Variants in RPTOR observed in about 807,000 individuals in gnomAD.
The protein encoded by RPTOR is regulatory associated protein of MTOR complex 1, also known as regulatory-associated protein of mTOR.
RPTOR carries 21 observed loss-of-function variants against 169.9 expected under a neutral mutation model. That is an observed-to-expected ratio of 0.12 (90% confidence interval 0.09 to 0.18). The LOEUF (loss-of-function observed/expected upper bound fraction) is 0.18, where lower values mean the gene tolerates loss of function less well. RPTOR is among the 10% of genes least tolerant of loss of function. The pLI, the probability that RPTOR is intolerant of heterozygous loss-of-function variation, is 1.00. For synonymous variants in RPTOR, 732 were observed against 753.2 expected, an observed-to-expected ratio of 0.97 and a Z score of 0.46; for missense variants, 1,133 against 1,855.9, an observed-to-expected ratio of 0.61 and a Z score of 7.16.
chr17:80,759,695 G>A (rs1466405472), intron 6 of RPTOR, among the ~76,000 whole-genome samples: 1 of 151,816 alleles, frequency 6.6e-6, no homozygotes, highest in East Asian at 1.9e-4. Flanking sequence ...TTTTTTAATG[G>A]AAGAGTGAGA....
At chr17:80,961,516 T>TA (rs768844633) in intron 31 of RPTOR, 36 bp downstream of exon 31, 2 of 1,533,580 alleles carry the variant, frequency 1.3e-6, no homozygotes, top group African/African-American at 2.8e-5. Flanking sequence ...CGTTCTGCTG[T>TA]AAAAACATTA....
intron 3 of RPTOR, among the ~76,000 whole-genome samples, chr17:80,689,890 A>G (rs1005999395): frequency 6.6e-6 from 1 of 152,140 alleles, no homozygotes; most frequent in Non-Finnish European, 1.5e-5. Context: ...CACATTTAAT[A>G]TTTCTACCTG....
intron 7 of RPTOR, among the ~76,000 whole-genome samples, chr17:80,799,069 C>G (rs1257396484): frequency 2.0e-5 from 3 of 152,230 alleles, no homozygotes; most frequent in Admixed American, 1.3e-4. Flanking sequence ...CCCTCCCGAG[C>G]GTGATATGAC....
intron 32 of RPTOR, 61 bp downstream of exon 32, chr17:80,962,638 G>A (rs1035935648): frequency 4.8e-6 from 7 of 1,450,958 alleles, no homozygotes; most frequent in Admixed American, 3.6e-5. Flanking sequence ...CTGTGCAAAC[G>A]GGAGGCTCTT....
In RPTOR at chr17:80,709,582, C is replaced by T. The variant is rs1000143549; in HGVS notation, c.507+1583C>T. ...TCTTCCCACATTCGCTGTCCCCTGC[C>T]GGGACCCCGCCCTTCTCAGTGCCTT... is the stretch of plus-strand genomic sequence containing the variant. On this transcript the variant is annotated intron_variant, in intron 4 of 33. Coordinates refer to ENST00000306801, the MANE Select transcript of RPTOR (RefSeq NM_020761.3). 6.6e-5 allele frequency among the ~76,000 whole-genome samples: 10 copies of T among 152,256 alleles called. No homozygotes were observed. In the East Asian group the frequency reaches 9.6e-4, roughly 15 times the overall value.
chr17:80,548,315 T>C (rs1198626351), intron 1 of RPTOR, among the ~76,000 whole-genome samples: 1 of 150,356 alleles, frequency 6.7e-6, no homozygotes, highest in Non-Finnish European at 1.5e-5. Flanking sequence ...CCTCCTGCCT[T>C]GTCCTCCAAA....
intron 13 of RPTOR, among the ~76,000 whole-genome samples, chr17:80,871,299 C>T (rs575906779): frequency 2.6e-5 from 4 of 152,246 alleles, no homozygotes; most frequent in African/African-American, 7.2e-5. Flanking sequence ...TTAGTAGAGA[C>T]GCAGTTTCAC....
chr17:80,855,188 G>A (rs2067839102), intron 11 of RPTOR, among the ~76,000 whole-genome samples: 1 of 152,214 alleles, frequency 6.6e-6, no homozygotes, highest in Non-Finnish European at 1.5e-5. Context: ...TGTCACCAGT[G>A]GGTTAGCTTT....
At chr17:80,773,622 T>G (rs2066865526) in intron 6 of RPTOR, among the ~76,000 whole-genome samples, 1 of 152,156 alleles carries the variant, frequency 6.6e-6, no homozygotes, top group Non-Finnish European at 1.5e-5. Flanking sequence ...AGTGGCTGGC[T>G]GGTCTGTTTG....
intron 1 of RPTOR, among the ~76,000 whole-genome samples, chr17:80,573,857 G>A (rs7226296): frequency 0.45 from 68,192 of 152,084 alleles, 15,552 homozygotes; most frequent in Middle Eastern, 0.52. Flanking sequence ...TGGGAACCCA[G>A]ATGGAGAACC....
chr17:80,940,451 C>G, intron 24 of RPTOR, 45 bp from the exon 25 acceptor site: 1 of 1,545,738 alleles, frequency 6.5e-7, no homozygotes, highest in Non-Finnish European at 8.9e-7. Flanking sequence ...AAGAGACAAC[C>G]CTGTTTCATC....
chr17:80,567,839 C>T (rs1257949076), intron 1 of RPTOR, among the ~76,000 whole-genome samples: 3 of 146,026 alleles, frequency 2.1e-5, no homozygotes, highest in Admixed American at 7.0e-5. Flanking sequence ...AATAAAAGTC[C>T]ATTATCTTAG....
intron 3 of RPTOR, among the ~76,000 whole-genome samples, chr17:80,660,358 C>T (rs974491493): frequency 1.3e-5 from 2 of 151,738 alleles, no homozygotes; most frequent in East Asian, 3.9e-4. Context: ...GATAAAAATT[C>T]CAAAGAGAAA....
intron 3 of RPTOR, among the ~76,000 whole-genome samples, chr17:80,673,391 C>T (rs540196988): frequency 3.3e-5 from 5 of 152,240 alleles, no homozygotes; most frequent in African/African-American, 9.6e-5. Context: ...GTTTTGGATG[C>T]GAGCAATGAG....
chr17:80,768,105 G>T (rs367716386), intron 6 of RPTOR, among the ~76,000 whole-genome samples: 1 of 152,048 alleles, frequency 6.6e-6, no homozygotes, highest in Non-Finnish European at 1.5e-5. Context: ...CTCGTGATCC[G>T]CCCGCCTCGG....
chr17:80,626,265 A>G (rs58973922), intron 2 of RPTOR, among the ~76,000 whole-genome samples: 46,507 of 151,576 alleles, frequency 0.31, 7,267 homozygotes, highest in Middle Eastern at 0.37. Context: ...GTTCGCCAGG[A>G]TGGTCTCGAT....
chr17:80,932,648 G>A (rs148607145), intron 24 of RPTOR, among the ~76,000 whole-genome samples: 227 of 152,242 alleles, frequency 1.5e-3, no homozygotes, highest in African/African-American at 4.6e-3. Context: ...TTAAAGACAG[G>A]TCTATAGAAA....
intron 3 of RPTOR, among the ~76,000 whole-genome samples, chr17:80,671,304 A>C (rs1304127826): frequency 1.3e-5 from 2 of 152,022 alleles, no homozygotes; most frequent in Non-Finnish European, 2.9e-5. Flanking sequence ...AATCAAATTT[A>C]TGGGCGTGCG....
At chr17:80,854,487 A>G (rs1191586555) in intron 11 of RPTOR, among the ~76,000 whole-genome samples, 2 of 152,244 alleles carry the variant, frequency 1.3e-5, no homozygotes, top group African/African-American at 4.8e-5. Context: ...TGGTAACTTA[A>G]GTATATATGC....
Sources: gnomAD v4.1 joint callset for allele counts (sites outside exome capture counted in the v4.1 genomes callset) on GRCh38, gnomAD v4.1.1 for gene constraint, MANE v1.5 for transcripts, NCBI Gene and HGNC (gene_info 2026-07-23, HGNC 2026-07-21) for gene names.